Variants in MFSD6 observed in about 807,000 individuals in gnomAD.
MFSD6 encodes major facilitator superfamily domain-containing protein 6.
Under a neutral mutation model 56.3 loss-of-function variants are expected in MFSD6, and 26 were observed. The observed-to-expected ratio is 0.46, with a 90% confidence interval of 0.34 to 0.64. The LOEUF (loss-of-function observed/expected upper bound fraction) is 0.64. MFSD6 is among the 30% of genes least tolerant of loss of function. The pLI, the probability that MFSD6 is intolerant of heterozygous loss-of-function variation, is 0.01. For missense variants in MFSD6, 750 were observed against 986.2 expected, an observed-to-expected ratio of 0.76 and a Z score of 3.21; for synonymous variants, 331 against 366.9, an observed-to-expected ratio of 0.90 and a Z score of 1.12.
At position 190,426,337 on chromosome 2, in the gene MFSD6, C is replaced by A. The variant is rs1393385677; in HGVS notation, c.-53-9640C>A. On this transcript the variant is annotated intron_variant, in intron 2 of 7. Transcript: ENST00000392328. The surrounding 1 kb of genome is among the most constrained non-coding windows in gnomAD (Gnocchi z 4.7). ...CTTTATTCTGCTTTATTAAGTGTAT[C>A]CATTAAGATTTATTTTTGTGGTTGT... 1.3e-5 allele frequency among the ~76,000 whole-genome samples: 2 copies of A among 152,118 alleles called. No homozygotes were observed. The highest frequency in any genetic ancestry group is 4.8e-5 in the African/African-American group (2 of 41,406).
At position 190,469,308 on chromosome 2, in the gene MFSD6, T is replaced by G. The variant is rs1440360464; in HGVS notation, c.1533-450T>G. ...TATTATGAGCAAGGCCACATTCGTG[T>G]TTACATATTCTCATTTTTATCCTTC... On this transcript the variant is annotated intron_variant, in intron 3 of 7. Transcript: ENST00000392328. This position sits in a 1 kb window ranked among gnomAD's most constrained non-coding sequence, Gnocchi z 5.3. Among the ~76,000 whole-genome samples, 1 of 152,146 alleles carries G rather than the reference T, an allele frequency of 6.6e-6. No homozygotes were observed. Among genetic ancestry groups the G allele is most frequent in the Non-Finnish European group, 1.5e-5 (1 of 68,034 alleles).
rs56209248 is a variant in MFSD6, at chr2:190,415,331, C to T, written c.-136C>T. ...AGTTACCCAGGCCGGAGTGCAGTGGCGTGATCCTAGCTCACTGCAGCCTTG... is the reference window on the plus strand; with the variant it reads ...AGTTACCCAGGCCGGAGTGCAGTGGTGTGATCCTAGCTCACTGCAGCCTTG... On this transcript the variant is annotated 5_prime_UTR_variant, in exon 2 of 8. Coordinates refer to ENST00000392328, the MANE Select transcript of MFSD6 (RefSeq NM_017694.4). This position sits in a 1 kb window ranked among gnomAD's most constrained non-coding sequence, Gnocchi z 4.5. 0.022 allele frequency: 3,334 copies of T among 152,194 alleles called. 46 individuals carry two copies. Among genetic ancestry groups the T allele is most frequent in the Non-Finnish European group, 0.034 (2,290 of 68,044 alleles). The allele number at this position is 152,194 out of a possible 1,614,324, so 9.4% of individuals were successfully genotyped here.
Position 190,499,692 on chromosome 2 carries a change from C to G in MFSD6, c.2173-323C>G. ...CCATAGTGCTTGCCCAGCGACTTGC[C>G]ACATGGCTTGGGGGGCTCAGTAAAT... On this transcript the variant is annotated intron_variant, in intron 7 of 7. Transcript: ENST00000392328. The surrounding 1 kb of genome is among the most constrained non-coding windows in gnomAD (Gnocchi z 6.0). 1 of 919,988 alleles carries G rather than the reference C, an allele frequency of 1.1e-6. No individual in the cohort carries two copies. The highest frequency in any genetic ancestry group is 1.5e-6 in the Non-Finnish European group (1 of 663,798). The allele number at this position is 919,988 out of a possible 1,614,324, so 57.0% of individuals were successfully genotyped here. A position where few individuals can be genotyped will look rare whatever the true frequency, so the allele number is the denominator to read the frequency against.
rs539918910 is a variant in MFSD6 at position 190,459,175 on chromosome 2, G to A, written c.1533-10583G>A. Among the ~76,000 whole-genome samples, 18 of 151,836 alleles carry A rather than the reference G, an allele frequency of 1.2e-4. No individual in the cohort carries two copies. Among genetic ancestry groups the A allele is most frequent in the Non-Finnish European group, 2.4e-4 (16 of 67,990 alleles). ...TGTGGCTCCTTTCTCTTTTGTTTTC[G>A]TCAGTGATCTCTTAAGATGTGATGC... is the stretch of plus-strand genomic sequence containing the variant. On this transcript the variant is annotated intron_variant, in intron 3 of 7. Coordinates refer to ENST00000392328, the MANE Select transcript of MFSD6 (RefSeq NM_017694.4). The surrounding 1 kb of genome is among the most constrained non-coding windows in gnomAD (Gnocchi z 5.3).
In MFSD6 at chr2:190,467,707, G is replaced by A. The variant is rs1258130832; in HGVS notation, c.1533-2051G>A. Among the ~76,000 whole-genome samples, 10 of 152,190 alleles carry A rather than the reference G, an allele frequency of 6.6e-5. No individual in the cohort carries two copies. The South Asian group carries it at 8.3e-4, about 13-fold the overall frequency. On this transcript the variant is annotated intron_variant, in intron 3 of 7. Transcript: ENST00000392328. The surrounding 1 kb of genome is among the most constrained non-coding windows in gnomAD (Gnocchi z 5.5). ...CCTGCTGCCTGTTTTTATATGGCCCGTGAACTAAGAATAATAGTTTCTACA... is the reference window on the plus strand; with the variant it reads ...CCTGCTGCCTGTTTTTATATGGCCCATGAACTAAGAATAATAGTTTCTACA...
Position 190,461,387 on chromosome 2 carries a change from A to G in MFSD6, c.1533-8371A>G, listed in dbSNP as rs1481315565. 6.6e-6 allele frequency among the ~76,000 whole-genome samples: 1 copy of G among 152,236 alleles called. No homozygotes were observed. The highest frequency in any genetic ancestry group is 1.5e-5 in the Non-Finnish European group (1 of 68,042). On this transcript the variant is annotated intron_variant, in intron 3 of 7. Coordinates refer to ENST00000392328, the MANE Select transcript of MFSD6 (RefSeq NM_017694.4). The surrounding 1 kb of genome is among the most constrained non-coding windows in gnomAD (Gnocchi z 5.5). ...TTCCTCTCCTTAGAGACTATCCATTATATGAGGTTCTAGTGTTGTATCCTT... is the reference window on the plus strand; with the variant it reads ...TTCCTCTCCTTAGAGACTATCCATTGTATGAGGTTCTAGTGTTGTATCCTT...
intron 4 of MFSD6, among the ~76,000 whole-genome samples, chr2:190,486,128 C>G (rs1688995825): frequency 6.6e-6 from 1 of 152,176 alleles, no homozygotes; most frequent in South Asian, 2.1e-4. Context: ...TAGATGAGAC[C>G]AGAGCAGTGT....
chr2:190,483,106 A>C (rs1298520688), intron 4 of MFSD6, among the ~76,000 whole-genome samples: 1 of 150,966 alleles, frequency 6.6e-6, no homozygotes, highest in African/African-American at 2.4e-5. Flanking sequence ...GTTAGCCAGG[A>C]TGGTCTCGAT....
rs1238169197 is a variant in MFSD6, at chr2:190,417,271, A to G, written c.-54+1858A>G. Among the ~76,000 whole-genome samples the G allele has an allele frequency of 6.6e-6, 1 of 152,212 alleles. No individual in the cohort carries two copies. The highest frequency in any genetic ancestry group is 6.5e-5 in the Admixed American group (1 of 15,278). On this transcript the variant is annotated intron_variant, in intron 2 of 7. Coordinates refer to ENST00000392328, the MANE Select transcript of MFSD6 (RefSeq NM_017694.4). The surrounding 1 kb of genome is among the most constrained non-coding windows in gnomAD (Gnocchi z 5.7). ...CTTCAGTACTGGATCATTAGCGGTA[A>G]GATCAGCACACCAAAATAAAAGTTC...
chr2:190,407,929 G>A (rs552216687), upstream of MFSD6, among the ~76,000 whole-genome samples: 2 of 152,358 alleles, frequency 1.3e-5, no homozygotes, highest in South Asian at 4.1e-4. The surrounding 1 kb of genome is among the most constrained non-coding windows in gnomAD (Gnocchi z 5.4). Flanking sequence ...TTCCTGGCCC[G>A]CACTCATTGC....
chr2:190,437,593 G>A lies in MFSD6; in HGVS notation c.1532+32G>A. On this transcript the variant is annotated intron_variant, in intron 3 of 7. Coordinates refer to ENST00000392328, the MANE Select transcript of MFSD6 (RefSeq NM_017694.4). This position sits in a 1 kb window ranked among gnomAD's most constrained non-coding sequence, Gnocchi z 5.9. ...ACATGCTTACGATTGCTGCCCCTCA[G>A]CAATTGAACTTTATCTTTTTATGGT... 1 of 1,585,054 alleles carries A rather than the reference G, an allele frequency of 6.3e-7. No homozygotes were observed. The highest frequency in any genetic ancestry group is 8.6e-7 in the Non-Finnish European group (1 of 1,164,588).
Position 190,418,678 on chromosome 2 carries a change from G to A in MFSD6, c.-54+3265G>A, listed in dbSNP as rs962434025. On this transcript the variant is annotated intron_variant, in intron 2 of 7. Coordinates refer to ENST00000392328, the MANE Select transcript of MFSD6 (RefSeq NM_017694.4). This position sits in a 1 kb window ranked among gnomAD's most constrained non-coding sequence, Gnocchi z 4.1. ...AGGTTGAGGTGGGAGGATCACTTGA[G>A]CCCAGGAGGTCAAGGCTGCAGTGAG... is the stretch of plus-strand genomic sequence containing the variant. Among the ~76,000 whole-genome samples the A allele has an allele frequency of 1.3e-5, 2 of 152,204 alleles. No individual in the cohort carries two copies. The highest frequency in any genetic ancestry group is 4.8e-5 in the African/African-American group (2 of 41,462).
chr2:190,488,412 A>G lies in MFSD6; in HGVS notation c.1631-245A>G, dbSNP rs1689140586. 6.6e-6 allele frequency among the ~76,000 whole-genome samples: 1 copy of G among 152,238 alleles called. No homozygotes were observed. The highest frequency in any genetic ancestry group is 1.5e-5 in the Non-Finnish European group (1 of 68,040). On this transcript the variant is annotated intron_variant, in intron 4 of 7. Coordinates refer to ENST00000392328, the MANE Select transcript of MFSD6 (RefSeq NM_017694.4). The surrounding 1 kb of genome is among the most constrained non-coding windows in gnomAD (Gnocchi z 6.4). The stretch of plus-strand genomic sequence containing the variant: ...GTGTAAGTTATGGTTTAAGGGGTAC[A>G]GAATTTTTGTTGTGGTGGTGAAAAA...
Position 190,500,537 on chromosome 2 carries a change from A to G in MFSD6, c.*319A>G, listed in dbSNP as rs889571064. The G allele has an allele frequency of 1.7e-5, 5 of 291,832 alleles. No individual in the cohort carries two copies. The highest frequency in any genetic ancestry group is 2.6e-5 in the Non-Finnish European group (4 of 154,594). 18.1% of individuals were successfully genotyped at this position (291,832 alleles called of 1,614,324 possible). On this transcript the variant is annotated 3_prime_UTR_variant, in exon 8 of 8. Transcript: ENST00000392328. This position sits in a 1 kb window ranked among gnomAD's most constrained non-coding sequence, Gnocchi z 5.3. Reference sequence around the variant, plus strand: ...AGTAAGAGTTGAAACCGGCAGTTACACTAAGTAAGTGGAGGGAATGAAAGT... The same window carrying G: ...AGTAAGAGTTGAAACCGGCAGTTACGCTAAGTAAGTGGAGGGAATGAAAGT...
chr2:190,483,185 C>A (rs1688798784), intron 4 of MFSD6, among the ~76,000 whole-genome samples: 1 of 152,036 alleles, frequency 6.6e-6, no homozygotes, highest in Non-Finnish European at 1.5e-5. Flanking sequence ...AGCCACCGCG[C>A]CCGGCCGACT....
chr2:190,437,308 A>G lies in MFSD6; in HGVS notation c.1279A>G (p.Thr427Ala), dbSNP rs761811028. 9.9e-6 allele frequency: 16 copies of G among 1,614,252 alleles called. No homozygotes were observed. The highest frequency in any genetic ancestry group is 1.4e-5 in the Non-Finnish European group (16 of 1,180,050). ...GTCCTCTGAGGAGACACCAACCACC[A>G]CAAGCCACTCGCAGGCCTTCAACTT... ...TESSEETPTT[T>A]SHSQAFNFWD... Residue 427 changes from threonine to alanine, a missense_variant, in exon 3 of 8, where the codon ACA becomes GCA. Transcript: ENST00000392328. The surrounding 1 kb of genome is among the most constrained non-coding windows in gnomAD (Gnocchi z 5.9).
Position 190,450,488 on chromosome 2 carries a change from CTTTTTTTT to C in MFSD6, c.1532+12941_1532+12948del, listed in dbSNP as rs10665730. Among the ~76,000 whole-genome samples the C allele has an allele frequency of 1.9e-4, 18 of 97,262 alleles. No homozygotes were observed. The South Asian group carries it at 2.4e-3, about 13-fold the overall frequency. The allele number at this position is 97,262 out of a possible 152,430, so 63.8% of individuals were successfully genotyped here. ...CTAACTTTTTCTTTTTCTCTTTTTC[CTTTTTTTT>C]TTTTTTTTTTTTTGAGACAGGGGTC... On this transcript the variant is annotated intron_variant, in intron 3 of 7. Transcript: ENST00000392328.
In MFSD6 at chr2:190,474,682, G is replaced by T. The variant is rs374649975; in HGVS notation, c.1630+4827G>T. On this transcript the variant is annotated intron_variant, in intron 4 of 7. Transcript: ENST00000392328. ...TTCCTTCTGAAACTATTCCAATCAA[G>T]AGAAAAAGAGGGAATCCTCCCTAAC... is the stretch of plus-strand genomic sequence containing the variant. Among the ~76,000 whole-genome samples the T allele has an allele frequency of 5.9e-5, 9 of 152,184 alleles. No homozygotes were observed. In the East Asian group the frequency reaches 1.3e-3, roughly 23 times the overall value.
intron 2 of MFSD6, among the ~76,000 whole-genome samples, chr2:190,422,336 T>C (rs920221897): frequency 6.6e-6 from 1 of 152,200 alleles, no homozygotes; most frequent in Admixed American, 6.5e-5. Context: ...TCTCCAGTTC[T>C]GTCATCCCTG....
Sources: allele counts gnomAD v4.1 joint callset (sites outside exome capture counted in the v4.1 genomes callset), GRCh38; gene constraint gnomAD v4.1.1; non-coding constraint Gnocchi (gnomAD v3.1); transcripts MANE v1.5; gene names NCBI Gene and HGNC (gene_info 2026-07-23, HGNC 2026-07-21).